OTUD7B: variants seen among roughly 807,000 people sequenced by gnomAD.
OTUD7B encodes the protein OTU deubiquitinase 7B.
A neutral mutation model predicts 82.2 loss-of-function variants in OTUD7B; 34 were observed. The observed-to-expected ratio is 0.41, with a 90% CI of 0.31 to 0.55. The LOEUF (loss-of-function observed/expected upper bound fraction) is 0.55, where lower values mean the gene tolerates loss of function less well. Among genes scored for constraint, OTUD7B ranks in the 20% least tolerant of loss-of-function variants. OTUD7B has a pLI of 0.20. For missense variants in OTUD7B, 944 were observed against 1,062.1 expected (o/e 0.89, Z 1.55); for synonymous variants, 398 against 402.7 (o/e 0.99, Z 0.14).
intron 5 of OTUD7B, among the ~76,000 whole-genome samples, 199 bp from the exon 6 acceptor site, chr1:149,964,548 G>A (rs1378647079): frequency 1.3e-5 from 2 of 151,866 alleles, no homozygotes; most frequent in Non-Finnish European, 2.9e-5. Context: ...AATATATTAA[G>A]TTGTAAATTG....
chr1:149,955,237 T>C (rs1648581677), intron 7 of OTUD7B, among the ~76,000 whole-genome samples: 1 of 152,206 alleles, frequency 6.6e-6, no homozygotes, highest in Admixed American at 6.5e-5. Context: ...TTCTGGTATG[T>C]TGTGTCTTTG....
chr1:150,004,911 G>A (rs1652564251), intron 1 of OTUD7B, among the ~76,000 whole-genome samples: 1 of 152,066 alleles, frequency 6.6e-6, no homozygotes, highest in Non-Finnish European at 1.5e-5. Flanking sequence ...CACCCAGGCT[G>A]GAGTGCAGTG....
intron 1 of OTUD7B, among the ~76,000 whole-genome samples, chr1:149,990,897 A>C (rs1553781942): frequency 2.0e-5 from 3 of 151,994 alleles, no homozygotes; most frequent in African/African-American, 7.3e-5. Flanking sequence ...AGGCTGAGAC[A>C]GGAGAATCGC....
the OTUD7B span, among the ~76,000 whole-genome samples, chr1:150,025,144 G>A: frequency 6.6e-6 from 1 of 152,000 alleles, no homozygotes; most frequent in Non-Finnish European, 1.5e-5. Flanking sequence ...CTCAGGGGCT[G>A]GGCGCGGTGC....
At chr1:149,965,189 A>G (rs192758854) in intron 5 of OTUD7B, among the ~76,000 whole-genome samples, 7 of 152,154 alleles carry the variant, frequency 4.6e-5, no homozygotes, top group African/African-American at 1.7e-4. Context: ...CATTGAGCCC[A>G]GCCCTTACTT....
rs781878988 is a variant in OTUD7B, at chr1:149,944,976, T to C, written c.1413A>G (p.Ser471=). ...CGTTGCTGGTGGAACTGCTGCCAAC[T>C]GACTCCTTGTCTGAGTCTCCAGACT... ...TPESGDSDKE[S]VGSSSTSNEG... is the part of the protein sequence containing the mutation. Residue 471 remains serine (S), a synonymous_variant, in exon 12 of 12, where the codon TCA becomes TCG. Coordinates refer to ENST00000581312, the MANE Select transcript of OTUD7B (RefSeq NM_020205.4). The C allele has an allele frequency of 1.1e-5, 17 of 1,614,190 alleles. 1 individual carries two copies. In the South Asian group the frequency reaches 1.6e-4, roughly 16 times the overall value.
chr1:150,020,258 A>C, the OTUD7B span, among the ~76,000 whole-genome samples: 1 of 152,124 alleles, frequency 6.6e-6, no homozygotes. Context: ...ATGGCAGGCC[A>C]GGCGCAGTGG....
chr1:150,044,615 A>C, the OTUD7B span, among the ~76,000 whole-genome samples: 1 of 150,992 alleles, frequency 6.6e-6, no homozygotes, highest in Admixed American at 6.6e-5. Context: ...GGGTGCAGTG[A>C]GCCGAGATCA....
chr1:149,982,894 TG>T (rs1650870629), intron 1 of OTUD7B, among the ~76,000 whole-genome samples: 1 of 136,744 alleles, frequency 7.3e-6, no homozygotes, highest in Admixed American at 8.1e-5. Flanking sequence ...TCTCCCAGGC[TG>T]GAGTGCAGTG....
chr1:149,971,072 T>G lies in OTUD7B; in HGVS notation c.265A>C (p.Ile89Leu). 1 of 1,606,448 alleles carries G rather than the reference T, an allele frequency of 6.2e-7. No homozygotes were observed. Among genetic ancestry groups the G allele is most frequent in the Non-Finnish European group, 8.5e-7 (1 of 1,174,592 alleles). The change falls in exon 3 of 12, where the codon ATC (isoleucine) becomes CTC (leucine). Residue 89 changes from isoleucine to leucine, a missense_variant. Transcript: ENST00000581312. The stretch of plus-strand genomic sequence containing the variant: ...CCAGTCACCCCAGTACCTTGAACGA[T>G]GTCATCCTGCCGCTGGAGGATGGGT... The part of the protein sequence containing the change: ...PRPILQRQDD[I>L]VQEKRLSRGI...
chr1:150,052,688 A>T, the OTUD7B span, among the ~76,000 whole-genome samples: 1 of 152,138 alleles, frequency 6.6e-6, no homozygotes, highest in African/African-American at 2.4e-5. Context: ...ATATGGAACT[A>T]AAAAAGAGCC....
chr1:149,984,811 G>A (rs1651023139), intron 1 of OTUD7B, among the ~76,000 whole-genome samples: 1 of 152,082 alleles, frequency 6.6e-6, no homozygotes, highest in African/African-American at 2.4e-5. Context: ...AGCCGCCCTG[G>A]ACTTCTCTCT....
At chr1:150,044,673 A>AAAAAAT in the OTUD7B span, among the ~76,000 whole-genome samples, 15 of 149,062 alleles carry the variant, frequency 1.0e-4, 1 homozygote, top group South Asian at 2.1e-4. Context: ...CTGTCTCAAA[A>AAAAAAT]AATAATAATA....
intron 1 of OTUD7B, among the ~76,000 whole-genome samples, chr1:150,006,204 T>A (rs1652654626): frequency 6.6e-6 from 1 of 152,202 alleles, no homozygotes; most frequent in African/African-American, 2.4e-5. Context: ...ACGCCTGTAA[T>A]CCCAGCACTT....
chr1:150,014,252 TAGTC>T (rs587674025), upstream of OTUD7B, among the ~76,000 whole-genome samples: 527 of 147,498 alleles, frequency 3.6e-3, 3 homozygotes, highest in African/African-American at 0.013. Flanking sequence ...AAAAAAAAAT[TAGTC>T]AGGCATGGTG....
chr1:149,965,510 T>C (rs1649466768), intron 5 of OTUD7B, among the ~76,000 whole-genome samples: 1 of 152,250 alleles, frequency 6.6e-6, no homozygotes, highest in Non-Finnish European at 1.5e-5. Context: ...GGCTTACTCC[T>C]ACTCATTACT....
the OTUD7B span, chr1:150,054,822 A>AAAAAAAAAAAAAAAAAAAAAAAAAAAC: frequency 5.9e-6 from 1 of 170,520 alleles, no homozygotes; most frequent in Non-Finnish European, 1.2e-5. Context: ...AAAAAAAAAA[A>AAAAAAAAAAAAAAAAAAAAAAAAAAAC]AAAAAAAGAC....
At position 149,993,788 on chromosome 1, in the gene OTUD7B, A is replaced by G. The variant is rs193243731; in HGVS notation, c.-66-16212T>C. Among the ~76,000 whole-genome samples, 117 of 152,322 alleles carry G rather than the reference A, an allele frequency of 7.7e-4. 1 individual carries two copies. The highest frequency in any genetic ancestry group is 2.8e-3 in the African/African-American group (115 of 41,568). Reference sequence around the variant, plus strand: ...ATCTATTATATAATATCTGTATTATAGGAATGTGGTTGATCTTACCAAAAC... The same window carrying G: ...ATCTATTATATAATATCTGTATTATGGGAATGTGGTTGATCTTACCAAAAC... On this transcript the variant is annotated intron_variant, in intron 1 of 11. Transcript: ENST00000581312.
intron 5 of OTUD7B, among the ~76,000 whole-genome samples, chr1:149,964,860 C>CT (rs1408307643): frequency 6.8e-6 from 1 of 146,522 alleles, no homozygotes; most frequent in Non-Finnish European, 1.5e-5. Context: ...TCCCAAAGTG[C>CT]TGGGACTACA....
Sources: gnomAD v4.1 joint callset for allele counts (sites outside exome capture counted in the v4.1 genomes callset) on GRCh38, gnomAD v4.1.1 for gene constraint, MANE v1.5 for transcripts, NCBI Gene and HGNC (gene_info 2026-07-23, HGNC 2026-07-21) for gene names.